FLI1: variants seen among roughly 807,000 people sequenced by gnomAD.
The protein encoded by FLI1 is Friend leukemia integration 1 transcription factor.
Under a neutral mutation model 53.1 loss-of-function variants are expected in FLI1, and 13 were observed. The ratio of observed to expected loss-of-function variants is 0.24; its 90% confidence interval spans 0.16 to 0.39. FLI1 has a LOEUF of 0.39. Ranked by LOEUF, FLI1 falls within the 10% of genes least tolerant of loss-of-function variation. The pLI is 1.00. For missense variants in FLI1, 424 were observed against 600.5 expected (o/e 0.71, Z 3.07); for synonymous variants, 244 against 236.7 (o/e 1.03, Z -0.28).
At chr11:128,784,883 G>C (rs1942038314) in intron 5 of FLI1, among the ~76,000 whole-genome samples, 1 of 152,228 alleles carries the variant, frequency 6.6e-6, no homozygotes, top group African/African-American at 2.4e-5. Context: ...GTGTGTCTGT[G>C]TGTGAGTGCA....
At chr11:128,730,955 G>T (rs762320916) in intron 1 of FLI1, among the ~76,000 whole-genome samples, 1 of 152,212 alleles carries the variant, frequency 6.6e-6, no homozygotes, top group African/African-American at 2.4e-5. Flanking sequence ...AAACCAAAAG[G>T]TGTAACATCC....
intron 1 of FLI1, among the ~76,000 whole-genome samples, chr11:128,734,021 C>A (rs758085304): frequency 6.6e-6 from 1 of 152,190 alleles, no homozygotes; most frequent in Admixed American, 6.5e-5. Context: ...GTACTGCTAC[C>A]TGTGCAATGG....
intron 5 of FLI1, among the ~76,000 whole-genome samples, chr11:128,786,471 A>G (rs61909387): frequency 0.19 from 29,619 of 152,190 alleles, 3,274 homozygotes; most frequent in Middle Eastern, 0.26. Context: ...GTCCTCATTC[A>G]GTCCTCTAAA....
intron 1 of FLI1, among the ~76,000 whole-genome samples, chr11:128,699,243 C>A (rs543370431): frequency 6.6e-6 from 1 of 152,142 alleles, no homozygotes; most frequent in African/African-American, 2.4e-5. Context: ...GTTTAAAAAA[C>A]AGTTGATTTA....
At chr11:128,730,505 C>T (rs2135752622) in intron 1 of FLI1, among the ~76,000 whole-genome samples, 1 of 152,288 alleles carries the variant, frequency 6.6e-6, no homozygotes, top group East Asian at 1.9e-4. Flanking sequence ...ACTGGCAGTC[C>T]CAGAAAGTCA....
intron 1 of FLI1, among the ~76,000 whole-genome samples, chr11:128,701,023 C>T (rs992871673): frequency 2.0e-5 from 3 of 152,206 alleles, no homozygotes; most frequent in Non-Finnish European, 4.4e-5. Context: ...GAAGTGGCTC[C>T]ATCACTTATC....
chr11:128,807,561 C>A (rs917629080), intron 7 of FLI1, among the ~76,000 whole-genome samples: 5 of 152,168 alleles, frequency 3.3e-5, no homozygotes, highest in African/African-American at 1.2e-4. Context: ...AGAAATAGGG[C>A]TACAATCCCA....
chr11:128,688,194 C>T (rs1232666193), intron 1 of FLI1, among the ~76,000 whole-genome samples: 1 of 152,174 alleles, frequency 6.6e-6, no homozygotes, highest in Non-Finnish European at 1.5e-5. Context: ...GGACCCAGGA[C>T]CTCAGGGATG....
chr11:128,760,758 C>A (rs1254794346), intron 2 of FLI1, among the ~76,000 whole-genome samples: 1 of 152,056 alleles, frequency 6.6e-6, no homozygotes, highest in African/African-American at 2.4e-5. Flanking sequence ...CAACTCCTGA[C>A]CTCATGATCC....
intron 5 of FLI1, among the ~76,000 whole-genome samples, chr11:128,796,505 G>A (rs1942448155): frequency 6.6e-6 from 1 of 152,230 alleles, no homozygotes; most frequent in Non-Finnish European, 1.5e-5. Flanking sequence ...GATAATGTCT[G>A]AGGTCCTTCC....
At position 128,805,395 on chromosome 11, in the gene FLI1, G is replaced by T. The variant is rs1005120730; in HGVS notation, c.685G>T (p.Ala229Ser). 1 of 1,590,624 alleles carries T rather than the reference G, an allele frequency of 6.3e-7. No homozygotes were observed. ...DPSYDSVRRG[A>S]WGNNMNSGLN... ...TTCTTATGACTCAGTCAGAAGAGGA[G>T]CTTGGGGCAATAACATGAATTCTGG... Residue 229 changes from alanine (A) to serine (S), a missense_variant, in exon 6 of 9, where the codon GCT becomes TCT. This residue lies in a region of FLI1 where 114 missense variants were observed against 117.9 expected (regional missense o/e 0.97). Transcript: ENST00000527786.
intron 1 of FLI1, among the ~76,000 whole-genome samples, chr11:128,706,342 A>G (rs1938545377): frequency 6.6e-6 from 1 of 152,216 alleles, no homozygotes; most frequent in East Asian, 1.9e-4. Flanking sequence ...ATCACTCCAT[A>G]CAACGTGGCC....
intron 1 of FLI1, among the ~76,000 whole-genome samples, chr11:128,754,964 C>A (rs368246168): frequency 2.4e-4 from 37 of 152,338 alleles, no homozygotes; most frequent in Middle Eastern, 3.4e-3. Context: ...CCTTTCTACA[C>A]CTACACTCTA....
rs529962337 is a variant in FLI1 at position 128,786,446 on chromosome 11, ATTTC to A, written c.655+4429_655+4432del. Among the ~76,000 whole-genome samples the A allele has an allele frequency of 2.8e-3, 427 of 152,302 alleles. 3 individuals are homozygous for A. Among genetic ancestry groups the A allele is most frequent in the African/African-American group, 9.7e-3 (405 of 41,560 alleles). On this transcript the variant is annotated intron_variant, in intron 5 of 8. Transcript: ENST00000527786. The stretch of plus-strand genomic sequence containing the variant: ...AACTGTACGTTCGTACATCTCAGAA[ATTTC>A]TTTCTGACGTGTCCTCATTCAGTCC...
At chr11:128,688,817 G>C (rs532525203) in intron 1 of FLI1, among the ~76,000 whole-genome samples, 1 of 152,168 alleles carries the variant, frequency 6.6e-6, no homozygotes, top group Admixed American at 6.5e-5. Context: ...TAACCGCAAC[G>C]ACATTCATAG....
At chr11:128,753,757 G>A (rs1435053449) in intron 1 of FLI1, among the ~76,000 whole-genome samples, 1 of 152,214 alleles carries the variant, frequency 6.6e-6, no homozygotes, top group Admixed American at 6.5e-5. Context: ...GCAGACAGCA[G>A]CAGCCACATC....
At chr11:128,775,065 G>C (rs1442070712) in intron 4 of FLI1, among the ~76,000 whole-genome samples, 1 of 152,208 alleles carries the variant, frequency 6.6e-6, no homozygotes, top group African/African-American at 2.4e-5. Context: ...TTTCCCAAAA[G>C]GGACTTATTA....
At chr11:128,695,018 C>T (rs1359588236) in intron 1 of FLI1, among the ~76,000 whole-genome samples, 1 of 151,900 alleles carries the variant, frequency 6.6e-6, no homozygotes, top group Admixed American at 6.5e-5. Context: ...CCCCGCCCTT[C>T]GCGCCTAGGC....
At chr11:128,740,302 A>G (rs912873017) in intron 1 of FLI1, among the ~76,000 whole-genome samples, 2 of 152,266 alleles carry the variant, frequency 1.3e-5, no homozygotes, top group Admixed American at 6.5e-5. Flanking sequence ...ACGACAAATT[A>G]TGGTGTCTAA....
Sources: gnomAD v4.1 joint callset for allele counts (sites outside exome capture counted in the v4.1 genomes callset) on GRCh38, gnomAD v4.1.1 for gene constraint, gnomAD v4.1.1 regional missense constraint, MANE v1.5 for transcripts, NCBI Gene and HGNC (gene_info 2026-07-23, HGNC 2026-07-21) for gene names.